ARSJ: variants seen among roughly 807,000 people sequenced by gnomAD.
The protein encoded by ARSJ is arylsulfatase J.
A neutral mutation model predicts 35.9 loss-of-function variants in ARSJ; 26 were observed. The observed-to-expected ratio is 0.72, with a 90% confidence interval of 0.53 to 1.00. The LOEUF (loss-of-function observed/expected upper bound fraction) is 1.00. Among genes scored for constraint, ARSJ ranks in the 50% least tolerant of loss-of-function variants. ARSJ has a pLI of 0.00. For missense variants in ARSJ, 667 were observed against 723.6 expected (o/e 0.92, Z 0.90); for synonymous variants, 294 against 267.6 (o/e 1.10, Z -0.96).
At position 113,901,476 on chromosome 4, in the gene ARSJ, TAAAATA is replaced by T. The variant is rs1435096721; in HGVS notation, c.*792_*797del. 1 of 86,496 alleles carries T rather than the reference TAAAATA, an allele frequency of 1.2e-5. No individual in the cohort carries two copies. The highest frequency in any genetic ancestry group is 2.8e-5 in the African/African-American group (1 of 36,268). The allele number at this position is 86,496 out of a possible 1,614,324, so 5.4% of individuals were successfully genotyped here. On this transcript the variant is annotated 3_prime_UTR_variant, in exon 2 of 2. Coordinates refer to ENST00000315366, the MANE Select transcript of ARSJ (RefSeq NM_024590.4). ...TCTAATGGTATGCAGGAAATAAAAA[TAAAATA>T]AAGTCATTTGCATAACTTTTTATAA...
At position 113,968,626 on chromosome 4, in the gene ARSJ, G is replaced by A. The variant is rs536277841; in HGVS notation, c.398+9811C>T. ...ATGCGGGCCTAGTGGGAAAGTACAA[G>A]TACTCTGGCAGTGATAATCCAAAGA... On this transcript the variant is annotated intron_variant, in intron 1 of 1. Coordinates refer to ENST00000315366, the MANE Select transcript of ARSJ (RefSeq NM_024590.4). 7.9e-5 allele frequency among the ~76,000 whole-genome samples: 12 copies of A among 152,318 alleles called. No individual in the cohort carries two copies. In the East Asian group the frequency reaches 2.3e-3, roughly 29 times the overall value.
intron 1 of ARSJ, among the ~76,000 whole-genome samples, chr4:113,908,933 TGTTTAGAAAAGAA>T (rs1305225096): frequency 6.6e-6 from 1 of 152,108 alleles, no homozygotes; most frequent in Non-Finnish European, 1.5e-5. Flanking sequence ...AAACACAGAT[TGTTTAGAAAAGAA>T]TTTTTCTAAA....
chr4:113,934,117 A>C (rs1724623962), intron 1 of ARSJ, among the ~76,000 whole-genome samples: 1 of 151,826 alleles, frequency 6.6e-6, no homozygotes, highest in East Asian at 1.9e-4. Context: ...GGATGCTGGC[A>C]AGGATGTGGA....
intron 1 of ARSJ, among the ~76,000 whole-genome samples, chr4:113,930,634 T>G (rs1724377639): frequency 6.6e-6 from 1 of 152,178 alleles, no homozygotes; most frequent in African/African-American, 2.4e-5. Context: ...TCTAAAATTT[T>G]GAAGTATAAA....
chr4:113,909,978 A>G (rs557770824), intron 1 of ARSJ, among the ~76,000 whole-genome samples: 29 of 152,316 alleles, frequency 1.9e-4, no homozygotes, highest in Admixed American at 1.4e-3. Flanking sequence ...ATATGAAATT[A>G]GTTTAAAAAT....
At chr4:113,944,454 A>G (rs1725348853) in intron 1 of ARSJ, 1 of 152,104 alleles carries the variant, frequency 6.6e-6, no homozygotes, top group Non-Finnish European at 1.5e-5. Flanking sequence ...GGACTCATCT[A>G]GTTACCAAAA....
At chr4:113,922,788 T>C (rs1723766755) in intron 1 of ARSJ, among the ~76,000 whole-genome samples, 1 of 152,186 alleles carries the variant, frequency 6.6e-6, no homozygotes, top group Admixed American at 6.6e-5. Flanking sequence ...CTTTCCAGTG[T>C]ACTCCATGGA....
rs373532668 is a variant in ARSJ at position 113,930,721 on chromosome 4, C to G, written c.399-27046G>C. ...AATCATGCTGCTATAAAGACACATG[C>G]ACACGTATGTTTATTGTGGCACTAT... is the stretch of plus-strand genomic sequence containing the variant. On this transcript the variant is annotated intron_variant, in intron 1 of 1. Transcript: ENST00000315366. Among the ~76,000 whole-genome samples the G allele has an allele frequency of 4.0e-5, 6 of 151,376 alleles. No homozygotes were observed. In the East Asian group the frequency reaches 9.7e-4, roughly 24 times the overall value.
At chr4:113,933,308 C>A (rs1724570795) in intron 1 of ARSJ, among the ~76,000 whole-genome samples, 1 of 151,272 alleles carries the variant, frequency 6.6e-6, no homozygotes, top group Non-Finnish European at 1.5e-5. Context: ...TAAAAATCTT[C>A]AAAAAAAATT....
At chr4:113,938,900 T>G (rs1004443582) in intron 1 of ARSJ, among the ~76,000 whole-genome samples, 1 of 151,738 alleles carries the variant, frequency 6.6e-6, no homozygotes, top group African/African-American at 2.4e-5. Flanking sequence ...GAATGGCAAT[T>G]ATTTTTTATT....
chr4:113,953,689 TA>T (rs1441234184), intron 1 of ARSJ, among the ~76,000 whole-genome samples: 3 of 152,008 alleles, frequency 2.0e-5, no homozygotes, highest in Non-Finnish European at 2.9e-5. Flanking sequence ...CAAATGTTTA[TA>T]GGGGGTAAAA....
At chr4:113,952,490 A>G (rs889144710) in intron 1 of ARSJ, among the ~76,000 whole-genome samples, 1 of 152,102 alleles carries the variant, frequency 6.6e-6, no homozygotes, top group African/African-American at 2.4e-5. Flanking sequence ...TACGCATATC[A>G]ATATTTAAAA....
chr4:113,928,179 T>C (rs939816039), intron 1 of ARSJ, among the ~76,000 whole-genome samples: 6 of 152,166 alleles, frequency 3.9e-5, no homozygotes, highest in African/African-American at 1.4e-4. Context: ...TAATGTCAGC[T>C]CAGAGCCAGT....
chr4:113,921,117 A>T (rs5003602), intron 1 of ARSJ, among the ~76,000 whole-genome samples: 20,537 of 148,796 alleles, frequency 0.14, 1,563 homozygotes, highest in East Asian at 0.23. Context: ...ACACACACAC[A>T]CTTTAAATAA....
At chr4:113,937,670 T>A (rs1189852121) in intron 1 of ARSJ, among the ~76,000 whole-genome samples, 3 of 152,116 alleles carry the variant, frequency 2.0e-5, no homozygotes, top group Non-Finnish European at 4.4e-5. Flanking sequence ...CTACTTAAGC[T>A]GATAAGTAAC....
At chr4:113,921,610 G>A (rs1206514641) in intron 1 of ARSJ, among the ~76,000 whole-genome samples, 1 of 152,084 alleles carries the variant, frequency 6.6e-6, no homozygotes, top group African/African-American at 2.4e-5. Flanking sequence ...CACCCAGGCT[G>A]TAAATGAAGC....
At chr4:113,965,955 T>A (rs1180618061) in intron 1 of ARSJ, among the ~76,000 whole-genome samples, 1 of 152,152 alleles carries the variant, frequency 6.6e-6, no homozygotes, top group Admixed American at 6.6e-5. Context: ...TAACACAATC[T>A]TTAACCTCAT....
At chr4:113,924,048 TATATATAA>T (rs1301550939) in intron 1 of ARSJ, among the ~76,000 whole-genome samples, 94 of 818 alleles carry the variant, frequency 0.11, 5 homozygotes, top group East Asian at 0.49. Context: ...TATATATAAA[TATATATAA>T]ATATATATAA....
At chr4:113,959,165 T>A (rs1379346894) in intron 1 of ARSJ, among the ~76,000 whole-genome samples, 1 of 152,050 alleles carries the variant, frequency 6.6e-6, no homozygotes, top group East Asian at 1.9e-4. Context: ...CTGTTTCATG[T>A]TGCGGTAGAC....
Sources: allele counts gnomAD v4.1 joint callset (sites outside exome capture counted in the v4.1 genomes callset), GRCh38; gene constraint gnomAD v4.1.1; transcripts MANE v1.5; gene names NCBI Gene and HGNC (gene_info 2026-07-23, HGNC 2026-07-21).